PRDM16: variants seen among roughly 807,000 people sequenced by gnomAD.
PRDM16 encodes histone-lysine N-methyltransferase PRDM16.
PRDM16 carries 23 observed loss-of-function variants against 110.6 expected under a neutral mutation model. The observed-to-expected ratio is 0.21, with a 90% confidence interval of 0.15 to 0.29. The LOEUF is 0.29. Among genes scored for constraint, PRDM16 ranks in the 10% least tolerant of loss-of-function variants. The pLI is 1.00. For missense variants in PRDM16, 1,615 were observed against 1,794.3 expected, an observed-to-expected ratio of 0.90 and a Z score of 1.81; for synonymous variants, 799 against 781.8, an observed-to-expected ratio of 1.02 and a Z score of -0.37.
In PRDM16 at chr1:3,411,592, C is replaced by T; in HGVS notation, c.1395C>T (p.Pro465=). 1 of 1,614,062 alleles carries T rather than the reference C, an allele frequency of 6.2e-7. No individual in the cohort carries two copies. The highest frequency in any genetic ancestry group is 8.5e-7 in the Non-Finnish European group (1 of 1,180,020). The part of the protein sequence containing the change: ...GIFAPGLPLT[P]SPMMDKAKPS... ...TTGCCCCGGGCCTGCCCTTGACCCC[C>T]AGCCCCATGATGGACAAGGCAAAAC... Residue 465 remains proline, a synonymous_variant, in exon 9 of 17, where the codon CCC becomes CCT. Transcript: ENST00000270722.
intron 1 of PRDM16, among the ~76,000 whole-genome samples, chr1:3,158,545 T>C (rs534044499): frequency 6.6e-6 from 1 of 152,320 alleles, no homozygotes; most frequent in South Asian, 2.1e-4. Context: ...AATTTTGTTC[T>C]CATGGCGAGA....
chr1:3,310,768 A>T (rs1051096694), intron 3 of PRDM16, among the ~76,000 whole-genome samples: 1 of 151,744 alleles, frequency 6.6e-6, no homozygotes, highest in Non-Finnish European at 1.5e-5. Flanking sequence ...GTTTGCATGT[A>T]TGGGTGTGTA....
chr1:3,082,795 G>A (rs1190766926), intron 1 of PRDM16, among the ~76,000 whole-genome samples: 1 of 152,208 alleles, frequency 6.6e-6, no homozygotes, highest in Admixed American at 6.5e-5. Context: ...GGAGTCCACC[G>A]AGGGGGCCTG....
chr1:3,252,510 G>A (rs1232325072), intron 3 of PRDM16, among the ~76,000 whole-genome samples: 1 of 152,202 alleles, frequency 6.6e-6, no homozygotes, highest in Admixed American at 6.5e-5. Flanking sequence ...CTATCTGGCT[G>A]GTGGAAATTT....
chr1:3,325,530 G>T (rs1418844245), intron 3 of PRDM16, among the ~76,000 whole-genome samples: 1 of 152,214 alleles, frequency 6.6e-6, no homozygotes, highest in African/African-American at 2.4e-5. Context: ...GGGTGCCCTG[G>T]GCGGCTCTCA....
intron 3 of PRDM16, among the ~76,000 whole-genome samples, chr1:3,332,256 C>T (rs957345544): frequency 2.6e-5 from 4 of 152,382 alleles, no homozygotes; most frequent in African/African-American, 9.6e-5. Flanking sequence ...TACTCGCTTC[C>T]GAGAAAATCA....
intron 3 of PRDM16, among the ~76,000 whole-genome samples, chr1:3,261,200 G>GTC (rs1640158434): frequency 6.6e-6 from 1 of 151,918 alleles, no homozygotes; most frequent in Non-Finnish European, 1.5e-5. Flanking sequence ...CCTCTTAGGT[G>GTC]ACCTCTCACA....
At chr1:3,134,821 G>A (rs1304687812) in intron 1 of PRDM16, among the ~76,000 whole-genome samples, 3 of 152,262 alleles carry the variant, frequency 2.0e-5, no homozygotes, top group Non-Finnish European at 4.4e-5. Flanking sequence ...CAAACAGGCG[G>A]CCTTTTGTTT....
intron 1 of PRDM16, among the ~76,000 whole-genome samples, chr1:3,075,868 C>T (rs1006943380): frequency 4.6e-5 from 7 of 152,186 alleles, no homozygotes; most frequent in Admixed American, 2.0e-4. Flanking sequence ...GGCTCATCTG[C>T]GATCCACCTC....
At chr1:3,283,110 A>G (rs944620824) in intron 3 of PRDM16, among the ~76,000 whole-genome samples, 1 of 152,048 alleles carries the variant, frequency 6.6e-6, no homozygotes, top group African/African-American at 2.4e-5. Flanking sequence ...CCCTCCCGAC[A>G]CTTGGTTTTG....
chr1:3,133,742 A>T (rs1036259012), intron 1 of PRDM16: 1 of 152,192 alleles, frequency 6.6e-6, no homozygotes, highest in Non-Finnish European at 1.5e-5. Flanking sequence ...TCTCCCCTTC[A>T]TGTGAGGGAG....
At chr1:3,355,902 C>G (rs1455630090) in intron 3 of PRDM16, among the ~76,000 whole-genome samples, 1 of 152,086 alleles carries the variant, frequency 6.6e-6, no homozygotes, top group Non-Finnish European at 1.5e-5. Context: ...CTTCCTCCCC[C>G]AAACACCCCC....
At chr1:3,171,168 G>C (rs986166086) in intron 1 of PRDM16, among the ~76,000 whole-genome samples, 1 of 152,242 alleles carries the variant, frequency 6.6e-6, no homozygotes, top group Non-Finnish European at 1.5e-5. Flanking sequence ...GTTTACTTGC[G>C]GCGTGACTTG....
intron 3 of PRDM16, among the ~76,000 whole-genome samples, chr1:3,285,005 T>C (rs1159547248): frequency 6.6e-6 from 1 of 152,194 alleles, no homozygotes; most frequent in East Asian, 1.9e-4. Flanking sequence ...TAGGTTTCTC[T>C]GGCCGGTATA....
chr1:3,317,979 C>A (rs1261591989), intron 3 of PRDM16, among the ~76,000 whole-genome samples: 4 of 152,216 alleles, frequency 2.6e-5, no homozygotes, highest in African/African-American at 9.7e-5. Flanking sequence ...TAATTTGAAA[C>A]CTCACAATAA....
intron 4 of PRDM16, chr1:3,394,368 C>CT (rs1557650399): frequency 8.0e-5 from 31 of 387,608 alleles, no homozygotes; most frequent in Non-Finnish European, 1.5e-4. Context: ...GGAGGGCCGC[C>CT]CAGCCCCCGT....
chr1:3,156,818 G>C (rs1215637456), intron 1 of PRDM16, among the ~76,000 whole-genome samples: 2 of 152,194 alleles, frequency 1.3e-5, no homozygotes, highest in South Asian at 2.1e-4. Context: ...GCTCTTCGAG[G>C]GGGGAAGCAG....
intron 1 of PRDM16, among the ~76,000 whole-genome samples, chr1:3,183,933 C>T (rs1644239017): frequency 6.6e-6 from 1 of 152,168 alleles, no homozygotes; most frequent in Non-Finnish European, 1.5e-5. Flanking sequence ...GCCTCCAACC[C>T]GACTTTGTTT....
chr1:3,428,878 C>T (rs1638690988), intron 14 of PRDM16, among the ~76,000 whole-genome samples: 1 of 152,240 alleles, frequency 6.6e-6, no homozygotes, highest in Non-Finnish European at 1.5e-5. Flanking sequence ...AATCCAGCGG[C>T]ACTGACGGCC....
Sources: allele counts gnomAD v4.1 joint callset (sites outside exome capture counted in the v4.1 genomes callset), GRCh38; gene constraint gnomAD v4.1.1; transcripts MANE v1.5; gene names NCBI Gene and HGNC (gene_info 2026-07-23, HGNC 2026-07-21).